The following ZFYVE9 variants were observed in gnomAD, a reference collection of about 807,000 sequenced individuals.
ZFYVE9 encodes zinc finger FYVE-type containing 9.
Under a neutral mutation model 126.7 loss-of-function variants are expected in ZFYVE9, and 43 were observed. The ratio of observed to expected loss-of-function variants is 0.34; its 90% CI spans 0.27 to 0.44. ZFYVE9 has a LOEUF of 0.44. Ranked by LOEUF, ZFYVE9 falls within the 20% of genes least tolerant of loss-of-function variation. The pLI is 1.00. For missense variants in ZFYVE9, 1,476 were observed against 1,697.0 expected (o/e 0.87, Z 2.29); for synonymous variants, 521 against 597.4 (o/e 0.87, Z 1.87).
At chr1:52,252,718 C>A (rs1025744740) in intron 4 of ZFYVE9, 1 of 447,830 alleles carries the variant, frequency 2.2e-6, no homozygotes, top group East Asian at 6.9e-5. Context: ...AACATAACAG[C>A]CTGCAAATCC....
At chr1:52,320,991 C>G (rs1646234220) in intron 13 of ZFYVE9, among the ~76,000 whole-genome samples, 1 of 151,772 alleles carries the variant, frequency 6.6e-6, no homozygotes, top group South Asian at 2.1e-4. Context: ...CAAAAAGGAA[C>G]AAGGTTTTGT....
chr1:52,205,462 C>G (rs1047800998), intron 1 of ZFYVE9, among the ~76,000 whole-genome samples: 1 of 152,006 alleles, frequency 6.6e-6, no homozygotes, highest in South Asian at 2.1e-4. Flanking sequence ...ACTCTGGGCT[C>G]AAGCGATCCT....
chr1:52,278,170 T>C (rs1645766514), intron 8 of ZFYVE9, among the ~76,000 whole-genome samples: 1 of 150,364 alleles, frequency 6.7e-6, no homozygotes, highest in Admixed American at 6.6e-5. Flanking sequence ...ATTTATTATG[T>C]GAAATTCTTG....
intron 1 of ZFYVE9, among the ~76,000 whole-genome samples, chr1:52,193,508 A>C (rs1572090190): frequency 6.6e-6 from 1 of 151,552 alleles, no homozygotes; most frequent in African/African-American, 2.4e-5. Flanking sequence ...GGAGATCGAG[A>C]CCAGCCTGGC....
chr1:52,189,184 A>G (rs577205946), intron 1 of ZFYVE9, among the ~76,000 whole-genome samples: 36 of 149,616 alleles, frequency 2.4e-4, no homozygotes, highest in African/African-American at 8.8e-4. Flanking sequence ...TGATCCATCC[A>G]CCTTAGCCTC....
chr1:52,337,724 G>C, intron 15 of ZFYVE9, 48 bp from the exon 16 acceptor site: 1 of 1,592,678 alleles, frequency 6.3e-7, no homozygotes. Flanking sequence ...CTAGATGCCA[G>C]GTGCTGTGTT....
At chr1:52,328,891 A>G (rs895521166) in intron 13 of ZFYVE9, among the ~76,000 whole-genome samples, 8 of 152,216 alleles carry the variant, frequency 5.3e-5, no homozygotes, top group Admixed American at 1.3e-4. Flanking sequence ...GGAGTATTCA[A>G]TTATAGTTTG....
At chr1:52,333,857 G>A (rs1049674809) in intron 14 of ZFYVE9, among the ~76,000 whole-genome samples, 167 of 151,836 alleles carry the variant, frequency 1.1e-3, no homozygotes, top group African/African-American at 3.7e-3. Context: ...TTGGGAGGCC[G>A]AGGTGGGTGG....
At chr1:52,207,617 G>C (rs932374822) in intron 1 of ZFYVE9, among the ~76,000 whole-genome samples, 3 of 152,010 alleles carry the variant, frequency 2.0e-5, no homozygotes, top group African/African-American at 7.3e-5. Flanking sequence ...ATATTCAAAG[G>C]GTGTCTTTTT....
intron 8 of ZFYVE9, among the ~76,000 whole-genome samples, chr1:52,277,478 A>G (rs1645759189): frequency 6.6e-6 from 1 of 152,124 alleles, no homozygotes; most frequent in Non-Finnish European, 1.5e-5. Context: ...AAAATTTTGT[A>G]ATTTTTTATT....
chr1:52,180,219 C>T (rs1222793846), intron 1 of ZFYVE9: 4 of 1,600,702 alleles, frequency 2.5e-6, no homozygotes, highest in East Asian at 2.2e-5. Context: ...CCTCTGTGCC[C>T]TGATAAATCA....
At chr1:52,333,427 A>G (rs1646361869) in intron 14 of ZFYVE9, among the ~76,000 whole-genome samples, 1 of 152,114 alleles carries the variant, frequency 6.6e-6, no homozygotes. Flanking sequence ...ACAGAATGCT[A>G]ATTAACTTGA....
At chr1:52,158,984 G>A (rs925906455) in intron 1 of ZFYVE9, among the ~76,000 whole-genome samples, 3 of 151,984 alleles carry the variant, frequency 2.0e-5, no homozygotes, top group Non-Finnish European at 4.4e-5. Context: ...AGTAGAGACG[G>A]GGTTTCACCA....
chr1:52,292,929 T>C (rs1645936768), intron 10 of ZFYVE9, among the ~76,000 whole-genome samples: 2 of 152,324 alleles, frequency 1.3e-5, no homozygotes, highest in South Asian at 2.1e-4. Context: ...TTATGCTCAT[T>C]AGAAGCCCTG....
At chr1:52,266,381 G>A (rs1298609979) in intron 5 of ZFYVE9, among the ~76,000 whole-genome samples, 5 of 120,598 alleles carry the variant, frequency 4.1e-5, no homozygotes, top group Admixed American at 2.2e-4. Flanking sequence ...AGAAGCATGA[G>A]CCACCACTCC....
chr1:52,154,448 A>G (rs866592617), intron 1 of ZFYVE9, among the ~76,000 whole-genome samples: 3 of 152,248 alleles, frequency 2.0e-5, no homozygotes, highest in African/African-American at 4.8e-5. Flanking sequence ...TGACCTCTCC[A>G]TTTATGTCCC....
In ZFYVE9 at chr1:52,238,940, T is replaced by C; in HGVS notation, c.1523T>C (p.Ile508Thr). The C allele has an allele frequency of 6.2e-7, 1 of 1,613,816 alleles. No homozygotes were observed. Among genetic ancestry groups the C allele is most frequent in the Non-Finnish European group, 8.5e-7 (1 of 1,179,932 alleles). ...GATTCAGTAACAGAAGAAAAAGAAATAGAGGAAAGCAAGTCAGAATGCTAC... is the reference window on the plus strand; with the variant it reads ...GATTCAGTAACAGAAGAAAAAGAAACAGAGGAAAGCAAGTCAGAATGCTAC... ...KEDSVTEEKE[I>T]EESKSECYSN... Residue 508 changes from isoleucine (I) to threonine (T), a missense_variant, in exon 4 of 19, where the codon ATA becomes ACA. By Grantham distance (89) the Ile-to-Thr change is moderately conservative. Around this residue, in one of 2 missense-constraint regions of ZFYVE9, gnomAD observed 807 missense variants for 794.6 expected, o/e 1.02. Coordinates refer to ENST00000287727, the MANE Select transcript of ZFYVE9 (RefSeq NM_004799.4).
At chr1:52,160,544 G>A (rs761993149) in intron 1 of ZFYVE9, 63 of 769,050 alleles carry the variant, frequency 8.2e-5, no homozygotes, top group Middle Eastern at 6.9e-4. Flanking sequence ...CTTGTGACAC[G>A]CCTCAAGTGC....
chr1:52,176,792 G>C (rs1286059480), intron 1 of ZFYVE9, among the ~76,000 whole-genome samples: 1 of 152,188 alleles, frequency 6.6e-6, no homozygotes, highest in East Asian at 1.9e-4. Flanking sequence ...AGGACCCTCC[G>C]AGCCAGGTGT....
Sources: allele counts gnomAD v4.1 joint callset (sites outside exome capture counted in the v4.1 genomes callset), GRCh38; gene constraint gnomAD v4.1.1; regional missense constraint gnomAD v4.1.1; transcripts MANE v1.5; gene names NCBI Gene and HGNC (gene_info 2026-07-23, HGNC 2026-07-21).